PCDH15: variants seen among roughly 807,000 people sequenced by gnomAD.
The protein encoded by PCDH15 is protocadherin-15.
Under a neutral mutation model 178.5 loss-of-function variants are expected in PCDH15, and 129 were observed. That is an observed-to-expected ratio of 0.72 (90% CI 0.63 to 0.84). The LOEUF is 0.84. Ranked by LOEUF, PCDH15 falls within the 40% of genes least tolerant of loss-of-function variation. The pLI is 0.00. For missense variants in PCDH15, 2,230 were observed against 2,099.9 expected (o/e 1.06, Z -1.21); for synonymous variants, 800 against 732.0 (o/e 1.09, Z -1.50).
At chr10:55,274,004 A>G (rs939858325) in intron 1 of PCDH15, among the ~76,000 whole-genome samples, 12 of 152,124 alleles carry the variant, frequency 7.9e-5, no homozygotes, top group African/African-American at 2.7e-4. Context: ...GTATGTATGT[A>G]TGTGTGTGTG....
chr10:55,174,511 GC>G (rs34297940), intron 1 of PCDH15, among the ~76,000 whole-genome samples: 72,469 of 152,044 alleles, frequency 0.48, 17,505 homozygotes, highest in East Asian at 0.67. Context: ...AAATGAGATG[GC>G]CAAAGTGTCC....
At chr10:54,986,960 G>A (rs997529985) in intron 2 of PCDH15, among the ~76,000 whole-genome samples, 2 of 152,096 alleles carry the variant, frequency 1.3e-5, no homozygotes, top group East Asian at 3.9e-4. Context: ...ATAGATATAC[G>A]TGTGCTATGG....
At chr10:54,003,598 CAA>C (rs1487492320) in intron 20 of PCDH15, among the ~76,000 whole-genome samples, 2 of 151,704 alleles carry the variant, frequency 1.3e-5, no homozygotes, top group African/African-American at 4.8e-5. Flanking sequence ...TATCAAGTAA[CAA>C]GATATAGCAA....
intron 2 of PCDH15, among the ~76,000 whole-genome samples, chr10:55,163,278 G>T (rs1419916262): frequency 6.6e-6 from 1 of 152,044 alleles, no homozygotes; most frequent in African/African-American, 2.4e-5. Flanking sequence ...CTATATCTGG[G>T]CAAGATGAAC....
At chr10:55,503,723 A>G in intron 2 of PCDH15, among the ~76,000 whole-genome samples, 1 of 151,402 alleles carries the variant, frequency 6.6e-6, no homozygotes. Flanking sequence ...GAAACAAGAA[A>G]CCACCACACA....
intron 37 of PCDH15, chr10:53,808,948 C>T (rs1056360015): frequency 6.4e-7 from 1 of 1,559,136 alleles, no homozygotes; most frequent in Non-Finnish European, 8.7e-7. Context: ...GGCTGGTCCA[C>T]TTTCTTCTTC....
intron 2 of PCDH15, among the ~76,000 whole-genome samples, chr10:55,149,896 G>A (rs1838649991): frequency 6.6e-6 from 1 of 151,922 alleles, no homozygotes; most frequent in South Asian, 2.1e-4. Flanking sequence ...TGTACATATT[G>A]GATTACAATT....
intron 18 of PCDH15, among the ~76,000 whole-genome samples, chr10:54,054,547 A>C (rs2093843118): frequency 6.6e-6 from 1 of 152,180 alleles, no homozygotes; most frequent in African/African-American, 2.4e-5. Flanking sequence ...GGGATTTCAC[A>C]ACTATAAATA....
At chr10:55,287,302 T>C (rs899284029) in intron 1 of PCDH15, among the ~76,000 whole-genome samples, 2 of 152,078 alleles carry the variant, frequency 1.3e-5, no homozygotes, top group Non-Finnish European at 2.9e-5. Context: ...TATATTCACC[T>C]ACATAGCCCC....
rs373957132 is a variant in PCDH15, at chr10:55,107,554, C to T, written c.-80+59022G>A. 6.6e-4 allele frequency among the ~76,000 whole-genome samples: 94 copies of T among 141,502 alleles called. 3 individuals are homozygous for T. In the South Asian group the frequency reaches 0.02, roughly 30 times the overall value. The allele number at this position is 141,502 out of a possible 152,430, so 92.8% of individuals were successfully genotyped here. ...TTGCCCAGGCTGGAGTGCAATGGCACGATCTTGGCTCACTGCAACCTCTGC... is the reference window on the plus strand; with the variant it reads ...TTGCCCAGGCTGGAGTGCAATGGCATGATCTTGGCTCACTGCAACCTCTGC... On this transcript the variant is annotated intron_variant, in intron 2 of 5. Coordinates refer to the PCDH15 transcript ENST00000458638.
chr10:53,916,917 C>T (rs1169280933), intron 25 of PCDH15, among the ~76,000 whole-genome samples: 3 of 137,212 alleles, frequency 2.2e-5, no homozygotes, highest in Admixed American at 8.1e-5. Context: ...ATATTAGTAA[C>T]ATTATTACTA....
chr10:54,651,808 A>T (rs1482265503), intron 2 of PCDH15, among the ~76,000 whole-genome samples: 1 of 152,240 alleles, frequency 6.6e-6, no homozygotes, highest in African/African-American at 2.4e-5. Flanking sequence ...AGAGATAGTT[A>T]TACAGTTCTG....
intron 2 of PCDH15, among the ~76,000 whole-genome samples, chr10:54,989,066 T>C (rs944705515): frequency 2.0e-5 from 3 of 152,204 alleles, no homozygotes; most frequent in Admixed American, 6.5e-5. Context: ...GAGCTTGGGC[T>C]GTGCCTTCAG....
At chr10:54,680,980 A>G (rs1206516199) in intron 1 of PCDH15, among the ~76,000 whole-genome samples, 1 of 152,192 alleles carries the variant, frequency 6.6e-6, no homozygotes, top group Non-Finnish European at 1.5e-5. Context: ...ACCTGAATAA[A>G]CTAAGGGATA....
intron 20 of PCDH15, among the ~76,000 whole-genome samples, chr10:54,006,541 G>A (rs759044035): frequency 2.0e-4 from 30 of 152,054 alleles, no homozygotes; most frequent in African/African-American, 7.2e-4. Context: ...ACAACCTCCT[G>A]GTCTCTCAAG....
chr10:55,295,362 C>A (rs113313785), intron 1 of PCDH15, among the ~76,000 whole-genome samples: 20 of 152,330 alleles, frequency 1.3e-4, no homozygotes, highest in Non-Finnish European at 1.6e-4. Context: ...TTCAGCCTTG[C>A]GCACTTCCAC....
chr10:54,496,200 G>C (rs1253328407), intron 3 of PCDH15, among the ~76,000 whole-genome samples: 1 of 151,904 alleles, frequency 6.6e-6, no homozygotes, highest in Non-Finnish European at 1.5e-5. Flanking sequence ...TTTGGTCAGG[G>C]GCTGGCAATT....
chr10:55,543,447 A>G (rs1478616488), intron 2 of PCDH15, among the ~76,000 whole-genome samples: 1 of 150,820 alleles, frequency 6.6e-6, no homozygotes, highest in Non-Finnish European at 1.5e-5. Context: ...ATAGTTGTTC[A>G]TAGAAATGCT....
intron 1 of PCDH15, among the ~76,000 whole-genome samples, chr10:54,767,091 C>G (rs756275794): frequency 1.3e-5 from 2 of 152,060 alleles, no homozygotes; most frequent in African/African-American, 2.4e-5. Flanking sequence ...GAATACATGA[C>G]AACATCTTCA....
Sources: gnomAD v4.1 joint callset for allele counts (sites outside exome capture counted in the v4.1 genomes callset) on GRCh38, gnomAD v4.1.1 for gene constraint, MANE v1.5 for transcripts, NCBI Gene and HGNC (gene_info 2026-07-23, HGNC 2026-07-21) for gene names.